The following PHF20 variants were observed in gnomAD, a reference collection of about 807,000 sequenced individuals.
PHF20 encodes the protein glioma-expressed antigen 2.
Under a neutral mutation model 113.5 loss-of-function variants are expected in PHF20, and 23 were observed. The observed-to-expected ratio is 0.20, with a 90% CI of 0.15 to 0.29. The LOEUF (loss-of-function observed/expected upper bound fraction) is 0.29, where lower values mean the gene tolerates loss of function less well. PHF20 is among the 10% of genes least tolerant of loss of function. PHF20 has a pLI of 1.00. For synonymous variants in PHF20, 434 were observed against 457.3 expected (o/e 0.95, Z 0.65); for missense variants, 943 against 1,219.6 (o/e 0.77, Z 3.38).
At chr20:35,933,901 C>T (rs144124949) in intron 15 of PHF20, among the ~76,000 whole-genome samples, 2,316 of 152,328 alleles carry the variant, frequency 0.015, 24 homozygotes, top group Middle Eastern at 0.041. Flanking sequence ...TGGGGTAGGC[C>T]TCTTCCATGG....
At chr20:35,878,747 G>A in intron 9 of PHF20, 1 of 738,018 alleles carries the variant, frequency 1.4e-6, no homozygotes, top group Non-Finnish European at 2.5e-6. Flanking sequence ...AAGAGACGCT[G>A]TCTTGCTCTT....
intron 2 of PHF20, among the ~76,000 whole-genome samples, chr20:35,811,344 T>C (rs2041973768): frequency 6.6e-6 from 1 of 152,062 alleles, no homozygotes; most frequent in Non-Finnish European, 1.5e-5. Flanking sequence ...CACGTTGGGC[T>C]AGGGCCCACT....
At chr20:35,865,755 C>T (rs1310901429) in intron 6 of PHF20, among the ~76,000 whole-genome samples, 1 of 151,976 alleles carries the variant, frequency 6.6e-6, no homozygotes, top group East Asian at 1.9e-4. Flanking sequence ...CTGCCTTGGC[C>T]TCTGAAAGTG....
chr20:35,904,174 T>C (rs2147066362), intron 10 of PHF20, among the ~76,000 whole-genome samples: 1 of 152,078 alleles, frequency 6.6e-6, no homozygotes, highest in East Asian at 1.9e-4. Flanking sequence ...ACAGGCAGTG[T>C]GAACTTGACA....
rs571036128 is a variant in PHF20, at chr20:35,808,886, T to C, written c.83+7281T>C. ...CGCACCTGGCCCCAATTTTTTTTTT[T>C]CTTAACCGTGTCTTTATGGAAAAGA... On this transcript the variant is annotated intron_variant, in intron 2 of 17. Transcript: ENST00000374012. Among the ~76,000 whole-genome samples, 14 of 151,920 alleles carry C rather than the reference T, an allele frequency of 9.2e-5. No homozygotes were observed. The East Asian group carries it at 2.7e-3, about 30-fold the overall frequency.
intron 1 of PHF20, among the ~76,000 whole-genome samples, chr20:35,797,443 G>T (rs1383382719): frequency 6.6e-6 from 1 of 150,532 alleles, no homozygotes; most frequent in African/African-American, 2.4e-5. Flanking sequence ...GAGCCTAGGA[G>T]GCGGAGGTTA....
At chr20:35,788,242 G>A (rs1423144509) in intron 1 of PHF20, among the ~76,000 whole-genome samples, 8 of 151,364 alleles carry the variant, frequency 5.3e-5, no homozygotes, top group East Asian at 3.9e-4. Context: ...GACTACAGGC[G>A]CCCGCCACCA....
At chr20:35,830,184 G>A (rs1191838618) in intron 2 of PHF20, among the ~76,000 whole-genome samples, 1 of 152,188 alleles carries the variant, frequency 6.6e-6, no homozygotes, top group African/African-American at 2.4e-5. Flanking sequence ...AGAGTGCTGG[G>A]ATTACAGGTG....
intron 1 of PHF20, among the ~76,000 whole-genome samples, chr20:35,774,324 G>A (rs928357206): frequency 6.6e-6 from 1 of 151,930 alleles, no homozygotes; most frequent in African/African-American, 2.4e-5. Context: ...ACCCGCCTCC[G>A]CCTCCCAAAG....
At chr20:35,803,328 T>G (rs867158064) in intron 2 of PHF20, among the ~76,000 whole-genome samples, 6,443 of 145,030 alleles carry the variant, frequency 0.044, 161 homozygotes, top group African/African-American at 0.076. Context: ...TTTTGGGCTA[T>G]TTTTTTTTTT....
At chr20:35,909,399 G>T (rs1180964571) in intron 10 of PHF20, among the ~76,000 whole-genome samples, 1 of 151,984 alleles carries the variant, frequency 6.6e-6, no homozygotes, top group Non-Finnish European at 1.5e-5. Context: ...TATATGCATG[G>T]TATCTGTTGC....
chr20:35,844,061 C>T, intron 3 of PHF20, among the ~76,000 whole-genome samples: 1 of 152,004 alleles, frequency 6.6e-6, no homozygotes, highest in Non-Finnish European at 1.5e-5. Flanking sequence ...AAAGTACACT[C>T]CACAGAGTGG....
At chr20:35,851,912 G>A (rs1228087736) in intron 4 of PHF20, among the ~76,000 whole-genome samples, 1 of 149,486 alleles carries the variant, frequency 6.7e-6, no homozygotes, top group Admixed American at 6.7e-5. Context: ...GCGAGACTCC[G>A]TCTCCAAAAA....
intron 2 of PHF20, among the ~76,000 whole-genome samples, chr20:35,816,799 TC>T (rs200788269): frequency 0.11 from 16,522 of 149,540 alleles, 983 homozygotes; most frequent in South Asian, 0.16. Flanking sequence ...TTTTTTTTTT[TC>T]TTCTTCTTTG....
chr20:35,887,940 C>G (rs1221761561), intron 9 of PHF20: 1 of 151,876 alleles, frequency 6.6e-6, no homozygotes, highest in Non-Finnish European at 1.5e-5. Context: ...CACACCCTCC[C>G]CCGAAAATAG....
At position 35,893,763 on chromosome 20, in the gene PHF20, T is replaced by G. The variant is rs565377036; in HGVS notation, c.1283-5607T>G. 5.3e-5 allele frequency among the ~76,000 whole-genome samples: 8 copies of G among 151,946 alleles called. No individual in the cohort carries two copies. In the South Asian group the frequency reaches 1.5e-3, roughly 28 times the overall value. On this transcript the variant is annotated intron_variant, in intron 9 of 17. Coordinates refer to ENST00000374012, the MANE Select transcript of PHF20 (RefSeq NM_016436.5). ...CCGAGTAGCTGGGATTACAGGCACCTGCCACCACGCCCAGCTAATTTTTTG... is the reference window on the plus strand; with the variant it reads ...CCGAGTAGCTGGGATTACAGGCACCGGCCACCACGCCCAGCTAATTTTTTG...
chr20:35,808,885 T>C (rs1284557287), intron 2 of PHF20, among the ~76,000 whole-genome samples: 1 of 151,918 alleles, frequency 6.6e-6, no homozygotes, highest in Non-Finnish European at 1.5e-5. Flanking sequence ...ATTTTTTTTT[T>C]TCTTAACCGT....
At chr20:35,811,204 G>A (rs1457859715) in intron 2 of PHF20, among the ~76,000 whole-genome samples, 4 of 151,756 alleles carry the variant, frequency 2.6e-5, no homozygotes, top group South Asian at 4.2e-4. Flanking sequence ...GCGTCACCAC[G>A]CCCAGCTAAT....
chr20:35,906,564 G>A (rs1439541316), intron 10 of PHF20, among the ~76,000 whole-genome samples: 1 of 152,180 alleles, frequency 6.6e-6, no homozygotes, highest in African/African-American at 2.4e-5. Flanking sequence ...AAGGTTCCTG[G>A]GCCTTGCTTT....
Sources: allele counts gnomAD v4.1 joint callset (sites outside exome capture counted in the v4.1 genomes callset), GRCh38; gene constraint gnomAD v4.1.1; transcripts MANE v1.5; gene names NCBI Gene and HGNC (gene_info 2026-07-23, HGNC 2026-07-21).